C9orf43: variants seen among roughly 807,000 people sequenced by gnomAD.
C9orf43 encodes the protein chromosome 9 open reading frame 43.
In C9orf43, 45 loss-of-function variants were observed where a neutral mutation model predicts 59.1. The ratio of observed to expected loss-of-function variants is 0.76; its 90% CI spans 0.60 to 0.98. The LOEUF (loss-of-function observed/expected upper bound fraction) is 0.98, where lower values mean the gene tolerates loss of function less well. Ranked by LOEUF, C9orf43 falls within the 50% of genes least tolerant of loss-of-function variation. The probability of loss-of-function intolerance (pLI) is 0.00; values close to 1 mark genes in which losing one functional copy is unlikely to be tolerated. For synonymous variants in C9orf43, 203 were observed against 196.8 expected, an observed-to-expected ratio of 1.03 and a Z score of -0.26; for missense variants, 533 against 554.9, an observed-to-expected ratio of 0.96 and a Z score of 0.40.
Position 113,425,371 on chromosome 9 carries a change from A to AGCG in C9orf43, c.895_896insGGC (p.Gln298_Gln299insArg). ...TACAGGAAACAGCAGCAGCGGCAGC[A>AGCG]GCAGCAGCAGCAGCAACAGAAGAAG... On this transcript the variant is annotated inframe_insertion, in exon 10 of 14. Transcript: ENST00000374165. The AGCG allele has an allele frequency of 6.2e-7, 1 of 1,612,002 alleles. No individual in the cohort carries two copies. The highest frequency in any genetic ancestry group is 1.7e-5 in the Admixed American group (1 of 60,008).
chr9:113,420,733 C>G, intron 4 of C9orf43: 1 of 984,870 alleles, frequency 1.0e-6, no homozygotes, highest in Non-Finnish European at 1.2e-6. Context: ...CTTCCTGCTC[C>G]CAAACTGCAG....
chr9:113,415,504 C>T (rs771750376), intron 3 of C9orf43, among the ~76,000 whole-genome samples: 2 of 152,000 alleles, frequency 1.3e-5, no homozygotes, highest in Non-Finnish European at 2.9e-5. Context: ...TTTAAAAAGA[C>T]GTGTTACATG....
Position 113,421,191 on chromosome 9 carries a change from A to T in C9orf43, c.434A>T (p.Glu145Val). The T allele has an allele frequency of 6.2e-7, 1 of 1,610,344 alleles. No homozygotes were observed. The change falls in exon 5 of 14, where the codon GAG becomes GTG. Residue 145 changes from glutamate (E) to valine (V), a missense_variant. Glu to Val is a moderately radical substitution (Grantham distance 121). Coordinates refer to ENST00000374165, the MANE Select transcript of C9orf43 (RefSeq NM_001278629.2). ...MVVLWIPEET[E>V]IHVSQHGKKK... Reference sequence around the variant, plus strand: ...GTATTGTGGATCCCAGAAGAAACAGAGATACATGTGAGGTGAGTATCATAT... The same window carrying T: ...GTATTGTGGATCCCAGAAGAAACAGTGATACATGTGAGGTGAGTATCATAT...
rs1206772516 is a variant in C9orf43 at position 113,425,580 on chromosome 9, T to G, written c.943-63T>G. 3 of 1,562,536 alleles carry G rather than the reference T, an allele frequency of 1.9e-6. No homozygotes were observed. The African/African-American group carries it at 4.1e-5, about 21-fold the overall frequency. On this transcript the variant is annotated intron_variant, in intron 10 of 13. Transcript: ENST00000374165. ...TTAAATTCCTTCTTTTTGATATTCC[T>G]TTTGAAAAAAGTTTTCTTTACTTCC... is the stretch of plus-strand genomic sequence containing the variant.
intron 3 of C9orf43, among the ~76,000 whole-genome samples, chr9:113,415,292 C>T (rs760248375): frequency 4.6e-5 from 7 of 152,106 alleles, no homozygotes; most frequent in East Asian, 3.9e-4. Context: ...CACAGGCACG[C>T]GCCACCACTC....
At chr9:113,414,767 C>CA (rs111646811) in intron 3 of C9orf43, among the ~76,000 whole-genome samples, 28,820 of 152,060 alleles carry the variant, frequency 0.19, 2,827 homozygotes, top group African/African-American at 0.22. Context: ...GGGACTTTAA[C>CA]GATGAATTTT....
chr9:113,410,794 C>A lies in C9orf43; in HGVS notation c.-257C>A. ...CCCGCCGGGTCCGTTAATCTCACCG[C>A]GCCGCAAGGGGCCACGTTTTACCAC... On this transcript the variant is annotated 5_prime_UTR_variant, in exon 1 of 14. Coordinates refer to ENST00000374165, the MANE Select transcript of C9orf43 (RefSeq NM_001278629.2). 1.3e-5 allele frequency: 4 copies of A among 304,044 alleles called. No homozygotes were observed. The highest frequency in any genetic ancestry group is 2.0e-5 in the Non-Finnish European group (4 of 200,874). The allele number at this position is 304,044 out of a possible 1,614,324, so 18.8% of individuals were successfully genotyped here.
chr9:113,423,346 T>A lies in C9orf43; in HGVS notation c.504T>A (p.Gly168=), dbSNP rs1187767401. 5 of 1,613,802 alleles carry A rather than the reference T, an allele frequency of 3.1e-6. No individual in the cohort carries two copies. Among genetic ancestry groups the A allele is most frequent in the Non-Finnish European group, 4.2e-6 (5 of 1,179,832 alleles). ...TCCAGAAAAGCAAGTCATTTCTGGG[T>A]CTCTCTGGAAATCAGTCCGCAGGAA... is the stretch of plus-strand genomic sequence containing the variant. The part of the protein sequence containing the change: ...NSAVKSKSFL[G]LSGNQSAGTR... Residue 168 remains glycine, a synonymous_variant, in exon 7 of 14, where the codon GGT becomes GGA. Coordinates refer to ENST00000374165, the MANE Select transcript of C9orf43 (RefSeq NM_001278629.2).
intron 11 of C9orf43, 51 bp downstream of exon 11, chr9:113,425,781 G>A (rs1473493698): frequency 1.4e-6 from 2 of 1,403,478 alleles, no homozygotes; most frequent in East Asian, 2.3e-5. Flanking sequence ...TGAGGGGTAG[G>A]TATCTGAGGG....
chr9:113,424,095 C>G, intron 7 of C9orf43, 71 bp from the exon 8 acceptor site: 5 of 1,509,668 alleles, frequency 3.3e-6, no homozygotes, highest in Non-Finnish European at 4.4e-6. Context: ...CCCTTTACAT[C>G]TCTTTCTCCT....
At chr9:113,428,786 G>C in intron 12 of C9orf43, 114 bp from the exon 13 acceptor site, 1 of 874,938 alleles carries the variant, frequency 1.1e-6, no homozygotes, top group Non-Finnish European at 1.9e-6. Context: ...CCCAAGAGGT[G>C]GGTCTCTGGC....
Position 113,413,844 on chromosome 9 carries a change from C to G in C9orf43, c.237C>G (p.Ala79=), listed in dbSNP as rs780202684. The change falls in exon 3 of 14, where the codon GCC becomes GCG. Residue 79 remains alanine, a synonymous_variant. Transcript: ENST00000374165. ...HHLPECTFTK[A]HSLLSQSSKF... ...TACCAGAATGTACCTTTACTAAGGC[C>G]CATTCTTTATTGTCTCAGAGTTCAA... The G allele has an allele frequency of 6.2e-7, 1 of 1,613,480 alleles. No homozygotes were observed. The highest frequency in any genetic ancestry group is 1.1e-5 in the South Asian group (1 of 90,908).
At chr9:113,416,789 C>T (rs1398197182) in intron 3 of C9orf43, among the ~76,000 whole-genome samples, 2 of 152,110 alleles carry the variant, frequency 1.3e-5, no homozygotes, top group Non-Finnish European at 2.9e-5. Flanking sequence ...CTTCCCTGGC[C>T]TGTACCCATT....
rs941515812 is a variant in C9orf43 at position 113,429,596 on chromosome 9, A to C, written c.*210A>C. On this transcript the variant is annotated 3_prime_UTR_variant, in exon 14 of 14. Coordinates refer to ENST00000374165, the MANE Select transcript of C9orf43 (RefSeq NM_001278629.2). ...TACTTGCCTCTAAAATAAATGTAGG[A>C]GAAAAATCCCCAGCCTTTTTAAATT... is the stretch of plus-strand genomic sequence containing the variant. The C allele has an allele frequency of 1.4e-5, 7 of 509,442 alleles. No individual in the cohort carries two copies. The highest frequency in any genetic ancestry group is 1.2e-4 in the African/African-American group (6 of 51,976). 31.6% of individuals were successfully genotyped at this position (509,442 alleles called of 1,614,324 possible). A position where few individuals can be genotyped will look rare whatever the true frequency, so the allele number is the denominator to read the frequency against.
intron 10 of C9orf43, 100 bp from the exon 11 acceptor site, chr9:113,425,543 T>G: frequency 6.8e-7 from 1 of 1,480,576 alleles, no homozygotes; most frequent in Admixed American, 2.2e-5. Context: ...AGTTCTTGTC[T>G]GGTTGTAGAT....
Position 113,424,294 on chromosome 9 carries a change from C to G in C9orf43, c.785C>G (p.Ser262Cys). 1.9e-6 allele frequency: 3 copies of G among 1,613,142 alleles called. No homozygotes were observed. The highest frequency in any genetic ancestry group is 2.5e-6 in the Non-Finnish European group (3 of 1,179,544). Residue 262 changes from serine (S) to cysteine (C), a missense_variant, in exon 8 of 14, where the codon TCT becomes TGT. Coordinates refer to ENST00000374165, the MANE Select transcript of C9orf43 (RefSeq NM_001278629.2). ...DSVISSKMFL[S>C]IHRLTLERPA... ...GTGATTTCTTCTAAGATGTTTCTAT[C>G]TATACACCGCCTCACCCTGGAAGTA...
At chr9:113,420,998 T>TA in intron 4 of C9orf43, 105 bp from the exon 5 acceptor site, 4 of 995,786 alleles carry the variant, frequency 4.0e-6, no homozygotes, top group Middle Eastern at 2.3e-4. Context: ...ATGGGAAACT[T>TA]AAAATCATCT....
chr9:113,422,699 C>A (rs1828627714), intron 6 of C9orf43, 114 bp downstream of exon 6: 1 of 1,237,822 alleles, frequency 8.1e-7, no homozygotes. Flanking sequence ...TGATCCAAAT[C>A]TGCTAAAGAA....
chr9:113,411,316 TTG>T (rs1828133631), intron 1 of C9orf43, among the ~76,000 whole-genome samples: 1 of 152,082 alleles, frequency 6.6e-6, no homozygotes. Context: ...TTTTTTTTTT[TTG>T]AGACAGTCTC....
Sources: allele counts gnomAD v4.1 joint callset (sites outside exome capture counted in the v4.1 genomes callset), GRCh38; gene constraint gnomAD v4.1.1; transcripts MANE v1.5; gene names NCBI Gene and HGNC (gene_info 2026-07-23, HGNC 2026-07-21).